PCCA: variants seen among roughly 807,000 people sequenced by gnomAD.
PCCA encodes propionyl-CoA carboxylase subunit alpha.
Under a neutral mutation model 101.3 loss-of-function variants are expected in PCCA, and 74 were observed. That is an observed-to-expected ratio of 0.73 (90% confidence interval 0.61 to 0.89). The LOEUF is 0.89. Among genes scored for constraint, PCCA ranks in the 40% least tolerant of loss-of-function variants. PCCA has a pLI of 0.00. For missense variants in PCCA, 891 were observed against 907.0 expected, an observed-to-expected ratio of 0.98 and a Z score of 0.23; for synonymous variants, 294 against 313.6, an observed-to-expected ratio of 0.94 and a Z score of 0.66.
intron 6 of PCCA, among the ~76,000 whole-genome samples, chr13:100,172,200 C>CAA (rs778270607): frequency 1.9e-5 from 2 of 104,298 alleles, no homozygotes; most frequent in Non-Finnish European, 2.0e-5. Context: ...AACCCTGTCT[C>CAA]AAAAAAAAAA....
chr13:100,308,041 G>A (rs1460927414), intron 15 of PCCA, among the ~76,000 whole-genome samples: 2 of 152,030 alleles, frequency 1.3e-5, no homozygotes, highest in Non-Finnish European at 2.9e-5. Context: ...TTTTAGTAGA[G>A]ATGGGGTTTC....
At chr13:100,301,992 G>T (rs1351586572) in intron 13 of PCCA, among the ~76,000 whole-genome samples, 2 of 152,058 alleles carry the variant, frequency 1.3e-5, no homozygotes, top group Non-Finnish European at 2.9e-5. Context: ...CCCACCTTGG[G>T]TACACATTAG....
rs1369705370 is a variant in PCCA at position 100,298,700 on chromosome 13, T to G, written c.1066-2760T>G. ...CTTCCTTCCTTCCTTCCTTCCTTCC[T>G]TCCTTCCTTCCTTCCTTCCTTCCTT... On this transcript the variant is annotated intron_variant, in intron 12 of 23. Coordinates refer to ENST00000376285, the MANE Select transcript of PCCA (RefSeq NM_000282.4). Among the ~76,000 whole-genome samples the G allele has an allele frequency of 8.2e-4, 65 of 79,312 alleles. 6 individuals are homozygous for G. Among genetic ancestry groups the G allele is most frequent in the Middle Eastern group, 6.3e-3 (1 of 158 alleles). The allele number at this position is 79,312 out of a possible 152,430, so 52.0% of individuals were successfully genotyped here. A position where few individuals can be genotyped will look rare whatever the true frequency, so the allele number is the denominator to read the frequency against.
intron 20 of PCCA, among the ~76,000 whole-genome samples, chr13:100,432,180 A>G (rs2079606378): frequency 6.6e-6 from 1 of 152,130 alleles, no homozygotes; most frequent in Non-Finnish European, 1.5e-5. Flanking sequence ...TAAACAAACA[A>G]ACAGATAACT....
intron 18 of PCCA, among the ~76,000 whole-genome samples, chr13:100,353,171 A>G (rs1272565814): frequency 2.6e-5 from 4 of 152,236 alleles, no homozygotes; most frequent in Admixed American, 6.5e-5. Context: ...AGAGAGAAAT[A>G]GGCAATTCCA....
Position 100,483,558 on chromosome 13 carries a change from C to T in PCCA, c.1900-31869C>T, listed in dbSNP as rs974853332. On this transcript the variant is annotated intron_variant, in intron 21 of 23. Coordinates refer to ENST00000376285, the MANE Select transcript of PCCA (RefSeq NM_000282.4). ...ATTGGTTCAGAAGAATAAACTATAC[C>T]GCCCTCTTGGTCTTCTTTTGGACAT... Among the ~76,000 whole-genome samples the T allele has an allele frequency of 2.6e-5, 4 of 152,308 alleles. 1 individual carries two copies. The highest frequency in any genetic ancestry group is 2.1e-4 in the South Asian group (1 of 4,824).
chr13:100,487,792 A>C (rs569629942), intron 21 of PCCA, among the ~76,000 whole-genome samples: 1 of 151,766 alleles, frequency 6.6e-6, no homozygotes, highest in South Asian at 2.1e-4. Flanking sequence ...TGGCAGGATC[A>C]TAGCTCACTA....
chr13:100,520,561 G>T (rs1298718536), intron 22 of PCCA, among the ~76,000 whole-genome samples: 1 of 141,280 alleles, frequency 7.1e-6, no homozygotes, highest in Non-Finnish European at 1.5e-5. Flanking sequence ...CGTGAACCCG[G>T]AAGGCGGAGC....
intron 21 of PCCA, among the ~76,000 whole-genome samples, chr13:100,511,881 C>T (rs2086509641): frequency 6.6e-6 from 1 of 152,178 alleles, no homozygotes; most frequent in Non-Finnish European, 1.5e-5. Context: ...TAAGGAGGTG[C>T]ATGTACTGTA....
chr13:100,093,889 T>C (rs2035936704), intron 1 of PCCA, among the ~76,000 whole-genome samples: 1 of 151,394 alleles, frequency 6.6e-6, no homozygotes. Context: ...CAGTGAGCTG[T>C]GATCACACCA....
chr13:100,250,669 C>G (rs574346134), intron 8 of PCCA, among the ~76,000 whole-genome samples: 2 of 152,092 alleles, frequency 1.3e-5, no homozygotes, highest in East Asian at 3.9e-4. Flanking sequence ...GCATCTTTAC[C>G]TATCTCTTAA....
chr13:100,117,924 G>A (rs978206725), intron 4 of PCCA, among the ~76,000 whole-genome samples: 3 of 151,924 alleles, frequency 2.0e-5, no homozygotes, highest in Non-Finnish European at 4.4e-5. Context: ...AGACCATCCT[G>A]GCTAACACGG....
Position 100,330,641 on chromosome 13 carries a change from C to G in PCCA, c.1510C>G (p.Leu504Val). ...FVKGDISTKF[L>V]SDVYPDGFKG... ...AAAAGGAGACATCAGCACTAAATTT[C>G]TCTCCGATGTGTATCCTGATGGCTT... The change falls in exon 17 of 24, where the codon CTC becomes GTC. Residue 504 changes from leucine (L) to valine (V), a missense_variant. Physicochemically the swap from Leu to Val is conservative, Grantham distance 32. Coordinates refer to ENST00000376285, the MANE Select transcript of PCCA (RefSeq NM_000282.4). The G allele has an allele frequency of 1.2e-6, 2 of 1,610,078 alleles. No homozygotes were observed. Among genetic ancestry groups the G allele is most frequent in the Non-Finnish European group, 1.7e-6 (2 of 1,176,490 alleles).
At chr13:100,408,443 C>G (rs140166164) in intron 19 of PCCA, among the ~76,000 whole-genome samples, 1 of 152,186 alleles carries the variant, frequency 6.6e-6, no homozygotes, top group Non-Finnish European at 1.5e-5. Flanking sequence ...ATTAAAGTCA[C>G]GTGAACTGAA....
chr13:100,433,080 T>A (rs2079669390), intron 20 of PCCA, among the ~76,000 whole-genome samples: 1 of 152,246 alleles, frequency 6.6e-6, no homozygotes, highest in African/African-American at 2.4e-5. Flanking sequence ...TTGGCTGCTG[T>A]GAATTATGCT....
At chr13:100,229,565 T>G (rs2060345778) in intron 7 of PCCA, among the ~76,000 whole-genome samples, 1 of 152,236 alleles carries the variant, frequency 6.6e-6, no homozygotes, top group Non-Finnish European at 1.5e-5. Flanking sequence ...GAAGGTGTTT[T>G]TACCTTTCTC....
chr13:100,146,300 G>A (rs1027636333), intron 4 of PCCA, among the ~76,000 whole-genome samples: 3 of 151,752 alleles, frequency 2.0e-5, no homozygotes, highest in African/African-American at 4.8e-5. Flanking sequence ...ATGGTGGCTG[G>A]GCGCGGTGGC....
intron 12 of PCCA, among the ~76,000 whole-genome samples, chr13:100,294,276 G>A (rs114091779): frequency 1.3e-5 from 2 of 152,188 alleles, no homozygotes; most frequent in African/African-American, 2.4e-5. Flanking sequence ...TAAAGACCAT[G>A]TCTCCAAATA....
Position 100,217,820 on chromosome 13 carries a change from T to C in PCCA, c.600+8357T>C, listed in dbSNP as rs938390111. On this transcript the variant is annotated intron_variant, in intron 7 of 23. Transcript: ENST00000376285. ...TTTGTGTGTGTGTGGCTGAGTGATA[T>C]TCAATTGTATGAATATACCACTTAA... Among the ~76,000 whole-genome samples the C allele has an allele frequency of 3.5e-5, 5 of 142,582 alleles. No individual in the cohort carries two copies. In the East Asian group the frequency reaches 6.3e-4, roughly 18 times the overall value. The allele number at this position is 142,582 out of a possible 152,430, so 93.5% of individuals were successfully genotyped here. A position where few individuals can be genotyped will look rare whatever the true frequency, so the allele number is the denominator to read the frequency against.
Sources: allele counts gnomAD v4.1 joint callset (sites outside exome capture counted in the v4.1 genomes callset), GRCh38; gene constraint gnomAD v4.1.1; transcripts MANE v1.5; gene names NCBI Gene and HGNC (gene_info 2026-07-23, HGNC 2026-07-21).